GPM6A: variants seen among roughly 807,000 people sequenced by gnomAD.
The protein encoded by GPM6A is neuronal membrane glycoprotein M6-a.
A neutral mutation model predicts 32.1 loss-of-function variants in GPM6A; 7 were observed. The ratio of observed to expected loss-of-function variants is 0.22; its 90% CI spans 0.12 to 0.41. The LOEUF (loss-of-function observed/expected upper bound fraction) is 0.41, where lower values mean the gene tolerates loss of function less well. Ranked by LOEUF, GPM6A falls within the 10% of genes least tolerant of loss-of-function variation. GPM6A has a pLI of 1.00. For synonymous variants in GPM6A, 130 were observed against 123.4 expected (o/e 1.05, Z -0.35); for missense variants, 235 against 347.2 (o/e 0.68, Z 2.57).
chr4:175,957,819 T>C (rs563681021), intron 1 of GPM6A, among the ~76,000 whole-genome samples: 2 of 152,344 alleles, frequency 1.3e-5, no homozygotes, highest in South Asian at 4.1e-4. Flanking sequence ...TTTGTAACAT[T>C]AATGTAACTT....
At chr4:175,915,026 CT>C (rs1162079904) in intron 1 of GPM6A, among the ~76,000 whole-genome samples, 2 of 152,004 alleles carry the variant, frequency 1.3e-5, no homozygotes, top group Non-Finnish European at 2.9e-5. Flanking sequence ...CCAAATTGGC[CT>C]TCTAAAGCTT....
At chr4:175,761,339 G>A (rs1732731479) in intron 1 of GPM6A, among the ~76,000 whole-genome samples, 1 of 151,976 alleles carries the variant, frequency 6.6e-6, no homozygotes, top group Admixed American at 6.6e-5. Flanking sequence ...TGATCTACCC[G>A]CCTCAGCCTC....
At chr4:175,653,805 G>T (rs1741931572) in intron 3 of GPM6A, among the ~76,000 whole-genome samples, 1 of 152,008 alleles carries the variant, frequency 6.6e-6, no homozygotes, top group Admixed American at 6.6e-5. Flanking sequence ...AGAATATTTG[G>T]TCTTTAGACA....
chr4:175,900,830 G>T (rs879001822), intron 1 of GPM6A, among the ~76,000 whole-genome samples: 6 of 152,138 alleles, frequency 3.9e-5, no homozygotes, highest in African/African-American at 1.4e-4. Flanking sequence ...TCCTATGTTT[G>T]TTGAAGCACT....
rs146226391 is a variant in GPM6A, at chr4:175,946,488, G to A, written c.-23+55821C>T. ...AGTAGAAAATAAATTACACTATTTA[G>A]ATGATGGTAAGAGTTCTGGAGTGAA... On this transcript the variant is annotated intron_variant, in intron 1 of 7. Transcript: ENST00000280187. Among the ~76,000 whole-genome samples, 638 of 152,288 alleles carry A rather than the reference G, an allele frequency of 4.2e-3. 6 individuals are homozygous for A. Among genetic ancestry groups the A allele is most frequent in the African/African-American group, 0.015 (617 of 41,562 alleles).
chr4:175,637,657 AAATATATAATATATATAATATATATAT>A (rs1370682046), intron 6 of GPM6A, among the ~76,000 whole-genome samples: 11 of 800 alleles, frequency 0.014, no homozygotes, highest in South Asian at 0.062. Flanking sequence ...ATAAAATATA[AAATATATAATATATATAATATATATAT>A]AATATATAAT....
chr4:176,002,318 G>C, exon 1 of GPM6A: 1 of 1,594,896 alleles, frequency 6.3e-7, no homozygotes, highest in South Asian at 1.1e-5. Context: ...CCCATGGCCC[G>C]AGGTCCTGCT....
intron 1 of GPM6A, among the ~76,000 whole-genome samples, chr4:175,920,330 C>T (rs538256354): frequency 3.3e-5 from 5 of 152,294 alleles, no homozygotes; most frequent in Admixed American, 3.3e-4. Context: ...GTGCTTAATT[C>T]TCTTACCAGT....
rs531972380 is a variant in GPM6A at position 175,874,911 on chromosome 4, A to G, written c.-22-62662T>C. On this transcript the variant is annotated intron_variant, in intron 1 of 7. Coordinates refer to the GPM6A transcript ENST00000280187. ...ACTGAACAATTGTTTTCTACACTGT[A>G]CCCTTTCTTACTGCTTAACACGCCT... Among the ~76,000 whole-genome samples, 4 of 152,274 alleles carry G rather than the reference A, an allele frequency of 2.6e-5. No homozygotes were observed. The East Asian group carries it at 7.7e-4, about 29-fold the overall frequency.
intron 1 of GPM6A, among the ~76,000 whole-genome samples, chr4:175,949,651 G>A (rs1363251534): frequency 6.6e-6 from 1 of 152,094 alleles, no homozygotes; most frequent in Non-Finnish European, 1.5e-5. Context: ...GCTAACTTTA[G>A]TAAAGATTCC....
intron 1 of GPM6A, among the ~76,000 whole-genome samples, chr4:175,845,097 G>C (rs1275277530): frequency 6.6e-6 from 1 of 151,712 alleles, no homozygotes; most frequent in Non-Finnish European, 1.5e-5. Context: ...CTTTAAAATT[G>C]ACTACAAAAA....
intron 2 of GPM6A, among the ~76,000 whole-genome samples, chr4:175,697,846 C>T (rs1744665280): frequency 6.6e-6 from 1 of 152,086 alleles, no homozygotes; most frequent in South Asian, 2.1e-4. Context: ...GGCCAGCTCC[C>T]ACTGGCAGGG....
At chr4:175,992,108 A>G (rs1205958584) in intron 1 of GPM6A, among the ~76,000 whole-genome samples, 2 of 151,720 alleles carry the variant, frequency 1.3e-5, no homozygotes, top group East Asian at 3.9e-4. Context: ...GTAAATAGCA[A>G]TCTAAAAGTT....
chr4:175,965,964 T>A (rs980110134), intron 1 of GPM6A, among the ~76,000 whole-genome samples: 19 of 152,262 alleles, frequency 1.2e-4, no homozygotes, highest in African/African-American at 3.9e-4. Flanking sequence ...AACAAGGGAA[T>A]ATTACAAACA....
In GPM6A at chr4:175,635,074, A is replaced by G. The variant is rs777002819; in HGVS notation, c.685-17T>C. On this transcript the variant is annotated splice_polypyrimidine_tract_variant and intron_variant, in intron 6 of 6. Coordinates refer to ENST00000393658, the MANE Select transcript of GPM6A (RefSeq NM_201591.3). Reference sequence around the variant, plus strand: ...GTAGTGAACCTAATCAAAGAGAAAAATAATTTATATTGGAAGTTTGTTCAG... The same window carrying G: ...GTAGTGAACCTAATCAAAGAGAAAAGTAATTTATATTGGAAGTTTGTTCAG... The G allele has an allele frequency of 3.1e-6, 5 of 1,607,488 alleles. No homozygotes were observed. The highest frequency in any genetic ancestry group is 4.3e-6 in the Non-Finnish European group (5 of 1,175,022).
intron 1 of GPM6A, among the ~76,000 whole-genome samples, chr4:175,710,801 T>G (rs955932336): frequency 2.0e-5 from 3 of 152,228 alleles, no homozygotes; most frequent in Admixed American, 2.0e-4. Flanking sequence ...TGTAATTTTT[T>G]GCTTTGTTTA....
At chr4:175,875,162 T>G (rs1319611222) in intron 1 of GPM6A, among the ~76,000 whole-genome samples, 4 of 152,228 alleles carry the variant, frequency 2.6e-5, no homozygotes, top group Admixed American at 6.5e-5. Context: ...GAGTCTACAC[T>G]GCCTAGCAGC....
rs898404940 is a variant in GPM6A at position 175,761,838 on chromosome 4, A to G, written c.37+50353T>C. Reference sequence around the variant, plus strand: ...AGATTGAGTTTCACTCTTGTTGCCCAGGCTGGAATGCAATGGCATGATCAC... The same window carrying G: ...AGATTGAGTTTCACTCTTGTTGCCCGGGCTGGAATGCAATGGCATGATCAC... On this transcript the variant is annotated intron_variant, in intron 1 of 6. Coordinates refer to ENST00000393658, the MANE Select transcript of GPM6A (RefSeq NM_201591.3). Among the ~76,000 whole-genome samples, 6 of 151,138 alleles carry G rather than the reference A, an allele frequency of 4.0e-5. No homozygotes were observed. The South Asian group carries it at 6.3e-4, about 16-fold the overall frequency.
Position 175,764,827 on chromosome 4 carries a change from T to C in GPM6A, c.37+47364A>G, listed in dbSNP as rs143127430. 3.3e-3 allele frequency among the ~76,000 whole-genome samples: 491 copies of C among 149,656 alleles called. 1 individual carries two copies. The highest frequency in any genetic ancestry group is 5.6e-3 in the Admixed American group (84 of 14,934). On this transcript the variant is annotated intron_variant, in intron 1 of 6. Coordinates refer to ENST00000393658, the MANE Select transcript of GPM6A (RefSeq NM_201591.3). Reference sequence around the variant, plus strand: ...TTAACCTTCTCCTATAGCTCCATTCTAGTGACTCAACCCAAAGGCATTATT... The same window carrying C: ...TTAACCTTCTCCTATAGCTCCATTCCAGTGACTCAACCCAAAGGCATTATT...
Sources: allele counts gnomAD v4.1 joint callset (sites outside exome capture counted in the v4.1 genomes callset), GRCh38; gene constraint gnomAD v4.1.1; transcripts MANE v1.5; gene names NCBI Gene and HGNC (gene_info 2026-07-23, HGNC 2026-07-21).